EFEMP2: variants seen among roughly 807,000 people sequenced by gnomAD.
EFEMP2 encodes EGF-like fibulin extracellular matrix protein 2, also known as EGF-containing fibulin-like extracellular matrix protein 2.
EFEMP2 carries 21 observed loss-of-function variants against 55.3 expected under a neutral mutation model. That is an observed-to-expected ratio of 0.38 (90% confidence interval 0.27 to 0.55). The LOEUF is 0.55. EFEMP2 is among the 20% of genes least tolerant of loss of function. The pLI, the probability that EFEMP2 is intolerant of heterozygous loss-of-function variation, is 0.77. For missense variants in EFEMP2, 513 were observed against 615.1 expected (o/e 0.83, Z 1.76); for synonymous variants, 275 against 242.3 (o/e 1.14, Z -1.25).
rs899873136 is a variant in EFEMP2, at chr11:65,867,252, C to T, written c.1171-173G>A. 3 of 700,396 alleles carry T rather than the reference C, an allele frequency of 4.3e-6. No homozygotes were observed. The South Asian group carries it at 5.3e-5, about 12-fold the overall frequency. 43.4% of individuals were successfully genotyped at this position (700,396 alleles called of 1,614,324 possible). ...ACACCCTCGATGTCTCTCCTCCCCA[C>T]CCAGGCTCCTGCCCTCAGAAATCTC... On this transcript the variant is annotated intron_variant, in intron 10 of 10. Coordinates refer to ENST00000307998, the MANE Select transcript of EFEMP2 (RefSeq NM_016938.5).
At chr11:65,870,887 C>T (rs1859953532) in intron 4 of EFEMP2, 1 of 720,752 alleles carries the variant, frequency 1.4e-6, no homozygotes, top group Non-Finnish European at 2.4e-6. Context: ...ACTGTCCTTC[C>T]TCCAAGGCCT....
rs768935869 is a variant in EFEMP2, at chr11:65,870,686, C to T, written c.368-28G>A. The T allele has an allele frequency of 4.3e-6, 7 of 1,613,588 alleles. No homozygotes were observed. The African/African-American group carries it at 8.0e-5, about 18-fold the overall frequency. On this transcript the variant is annotated intron_variant, in intron 4 of 10. Coordinates refer to ENST00000307998, the MANE Select transcript of EFEMP2 (RefSeq NM_016938.5). The stretch of plus-strand genomic sequence containing the variant: ...GCGAGAGACACCACTCAGCCCCTGC[C>T]TGGGATCCCGCACACCACCCAACAT...
At position 65,868,550 on chromosome 11, in the gene EFEMP2, G is replaced by A; in HGVS notation, c.807C>T (p.Cys269=). The change falls in exon 8 of 11, where the codon TGC becomes TGT. Residue 269 remains cysteine (C), a synonymous_variant. Coordinates refer to ENST00000307998, the MANE Select transcript of EFEMP2 (RefSeq NM_016938.5). ...TGGCCAGCAGCTGGTAACCCTGTGG[G>A]CAGTGGCAGGAGAAACGGCCTGGCT... ...INEPGRFSCH[C]PQGYQLLATR... 2 of 1,614,064 alleles carry A rather than the reference G, an allele frequency of 1.2e-6. No individual in the cohort carries two copies. The highest frequency in any genetic ancestry group is 2.7e-5 in the African/African-American group (2 of 75,050).
intron 7 of EFEMP2, 196 bp from the exon 8 acceptor site, chr11:65,868,825 T>TTC: frequency 1.5e-6 from 1 of 667,288 alleles, no homozygotes; most frequent in East Asian, 2.8e-5. Context: ...GCTCACAGAC[T>TTC]TCTCTCTGCC....
rs1468680939 is a variant in EFEMP2 at position 65,872,299 on chromosome 11, A to G, written c.56T>C (p.Leu19Pro). The part of the protein sequence containing the change: ...PGSLLLWALL[L>P]LLLGSASPQD... ...AGGAGAAGCTGATCCCAAGAGCAAC[A>G]GTAGCAGCGCCCAGAGCAGTAGAGA... Residue 19 changes from leucine (L) to proline (P), a missense_variant, in exon 2 of 11, where the codon CTG becomes CCG. Transcript: ENST00000307998. 6.4e-7 allele frequency: 1 copy of G among 1,551,744 alleles called. No homozygotes were observed. Among genetic ancestry groups the G allele is most frequent in the Admixed American group, 2.0e-5 (1 of 51,016 alleles).
At chr11:65,870,911 G>T (rs866873190) in intron 4 of EFEMP2, 5 of 703,552 alleles carry the variant, frequency 7.1e-6, no homozygotes, top group Middle Eastern at 2.8e-4. Flanking sequence ...GCTCCCAGGG[G>T]ACAGACACTG....
intron 7 of EFEMP2, 83 bp from the exon 8 acceptor site, chr11:65,868,712 G>A: frequency 6.3e-7 from 1 of 1,578,986 alleles, no homozygotes; most frequent in Non-Finnish European, 8.6e-7. Context: ...AGAAGGCCCA[G>A]CCCCATGTTA....
At position 65,868,010 on chromosome 11, in the gene EFEMP2, A is replaced by G; in HGVS notation, c.1021T>C (p.Ser341Pro). 1 of 1,614,024 alleles carries G rather than the reference A, an allele frequency of 6.2e-7. No individual in the cohort carries two copies. The highest frequency in any genetic ancestry group is 8.5e-7 in the Non-Finnish European group (1 of 1,180,016). ...GTCATGTAGCGGTGCACAATGGATG[A>G]AGGCTGCTCTCGACATAGAGGGTTG... ...ASNPLCREQP[S>P]SIVHRYMTIT... The change falls in exon 10 of 11, where the codon TCA (serine) becomes CCA (proline). Residue 341 changes from serine to proline, a missense_variant. Ser to Pro is a moderately conservative substitution (Grantham distance 74). Coordinates refer to ENST00000307998, the MANE Select transcript of EFEMP2 (RefSeq NM_016938.5).
chr11:65,870,510 C>T (rs1295524074), intron 5 of EFEMP2, 26 bp downstream of exon 5: 1 of 1,613,608 alleles, frequency 6.2e-7, no homozygotes. Context: ...AAAGCCGGGA[C>T]TACAGAAGCT....
Position 65,868,627 on chromosome 11 carries a change from T to C in EFEMP2, c.730A>G (p.Ile244Val). 1.2e-6 allele frequency: 2 copies of C among 1,613,846 alleles called. No individual in the cohort carries two copies. Among genetic ancestry groups the C allele is most frequent in the Middle Eastern group, 1.6e-4 (1 of 6,062 alleles). ...LHRDGFSCSD[I>V]DECSYSSYLC... ...TAGCTGGAGTAGCTACACTCATCAATATCTGAGGAAGCATGGGGATGGGGA... is the reference window on the plus strand; with the variant it reads ...TAGCTGGAGTAGCTACACTCATCAACATCTGAGGAAGCATGGGGATGGGGA... Residue 244 changes from isoleucine to valine, a missense_variant and splice_region_variant, in exon 8 of 11, where the codon ATT (isoleucine) becomes GTT (valine). By Grantham distance (29) the Ile-to-Val change is conservative (BLOSUM62 3). Coordinates refer to ENST00000307998, the MANE Select transcript of EFEMP2 (RefSeq NM_016938.5).
At chr11:65,871,067 C>A in intron 4 of EFEMP2, 90 bp downstream of exon 4, 1 of 1,443,270 alleles carries the variant, frequency 6.9e-7, no homozygotes, top group African/African-American at 1.4e-5. Context: ...TCACCAGTGG[C>A]CCTTTTGAGC....
intron 4 of EFEMP2, 137 bp from the exon 5 acceptor site, chr11:65,870,795 C>T: frequency 1.5e-6 from 2 of 1,294,154 alleles, no homozygotes; most frequent in Non-Finnish European, 2.2e-6. Flanking sequence ...GGAAAGGCAC[C>T]CCTAACCTCT....
Position 65,866,744 on chromosome 11 carries a change from C to G in EFEMP2, c.*174G>C. ...ATATAGAGACCCCCATTTAGGTGAA[C>G]TTGGCCTGCCCCCCCAAGTGCCACC... On this transcript the variant is annotated 3_prime_UTR_variant, in exon 11 of 11. Coordinates refer to ENST00000307998, the MANE Select transcript of EFEMP2 (RefSeq NM_016938.5). 2 of 834,190 alleles carry G rather than the reference C, an allele frequency of 2.4e-6. No individual in the cohort carries two copies. The highest frequency in any genetic ancestry group is 4.3e-4 in the Middle Eastern group (2 of 4,640). The allele number at this position is 834,190 out of a possible 1,614,324, so 51.7% of individuals were successfully genotyped here.
chr11:65,872,696 A>AC lies in EFEMP2; in HGVS notation c.-22dup. Reference sequence around the variant, plus strand: ...ACAGCCACTCACTTGGGCCCGCGACACCCCCGCGGCCCGCGGCTCTGGCGG... The same window carrying AC: ...ACAGCCACTCACTTGGGCCCGCGACACCCCCCGCGGCCCGCGGCTCTGGCGG... On this transcript the variant is annotated 5_prime_UTR_variant, in exon 1 of 11. Coordinates refer to ENST00000307998, the MANE Select transcript of EFEMP2 (RefSeq NM_016938.5). The AC allele has an allele frequency of 5.8e-6, 2 of 342,168 alleles. No homozygotes were observed. Among genetic ancestry groups the AC allele is most frequent in the Admixed American group, 3.6e-5 (1 of 27,622 alleles). The allele number at this position is 342,168 out of a possible 1,614,324, so 21.2% of individuals were successfully genotyped here.
Position 65,866,444 on chromosome 11 carries a change from C to T in EFEMP2, c.*474G>A. 1 of 690,790 alleles carries T rather than the reference C, an allele frequency of 1.4e-6. No individual in the cohort carries two copies. Among genetic ancestry groups the T allele is most frequent in the South Asian group, 1.5e-5 (1 of 64,804 alleles). The allele number at this position is 690,790 out of a possible 1,614,324, so 42.8% of individuals were successfully genotyped here. A position where few individuals can be genotyped will look rare whatever the true frequency, so the allele number is the denominator to read the frequency against. ...AAAAGAAAAGATTGAAAACCACTAACAGTCCAGTTGCCTCGTTTTATAGAA... is the reference window on the plus strand; with the variant it reads ...AAAAGAAAAGATTGAAAACCACTAATAGTCCAGTTGCCTCGTTTTATAGAA... On this transcript the variant is annotated 3_prime_UTR_variant, in exon 11 of 11. Coordinates refer to ENST00000307998, the MANE Select transcript of EFEMP2 (RefSeq NM_016938.5).
intron 9 of EFEMP2, 62 bp from the exon 10 acceptor site, chr11:65,868,118 C>A (rs1185149015): frequency 3.1e-6 from 5 of 1,587,612 alleles, no homozygotes; most frequent in Non-Finnish European, 4.3e-6. Flanking sequence ...ATTTCTCCTA[C>A]CCTACAAAGG....
chr11:65,869,159 GGT>G (rs1237419646), intron 7 of EFEMP2: 1 of 217,934 alleles, frequency 4.6e-6, no homozygotes, highest in Non-Finnish European at 9.3e-6. Context: ...CAGTTTACAG[GGT>G]GTAAGAAGTC....
At position 65,867,967 on chromosome 11, in the gene EFEMP2, C is replaced by G. The variant is rs745401243; in HGVS notation, c.1064G>C (p.Ser355Thr). ...GATCTGGAACACGTCAGCGGGCACG[C>G]TCCGCTCCGAGGTGATGGTCATGTA... ...HRYMTITSERSVPADVFQIQA... is the reference protein window; with the variant it reads ...HRYMTITSERTVPADVFQIQA... The change falls in exon 10 of 11, where the codon AGC (serine) becomes ACC (threonine). Residue 355 changes from serine (S) to threonine (T), a missense_variant. Transcript: ENST00000307998. The G allele has an allele frequency of 1.9e-6, 3 of 1,614,118 alleles. No individual in the cohort carries two copies. Among genetic ancestry groups the G allele is most frequent in the Non-Finnish European group, 2.5e-6 (3 of 1,180,024 alleles).
rs911111553 is a variant in EFEMP2, at chr11:65,869,799, G to A, written c.727+58C>T. On this transcript the variant is annotated intron_variant, in intron 7 of 10. Transcript: ENST00000307998. Reference sequence around the variant, plus strand: ...TGGAGAACTGTGTGGCAGGAGGCACGGCATAGCTAGGGCCTGGGGGTCCAC... The same window carrying A: ...TGGAGAACTGTGTGGCAGGAGGCACAGCATAGCTAGGGCCTGGGGGTCCAC... The A allele has an allele frequency of 3.5e-5, 57 of 1,609,814 alleles. No individual in the cohort carries two copies. The African/African-American group carries it at 5.9e-4, about 17-fold the overall frequency.
Sources: gnomAD v4.1 joint callset for allele counts on GRCh38, gnomAD v4.1.1 for gene constraint, MANE v1.5 for transcripts, NCBI Gene and HGNC (gene_info 2026-07-23, HGNC 2026-07-21) for gene names.